Variants in ROBO4 observed in about 807,000 individuals in gnomAD.
ROBO4 encodes the protein roundabout guidance receptor 4.
In ROBO4, 80 loss-of-function variants were observed where a neutral mutation model predicts 103.3. The ratio of observed to expected loss-of-function variants is 0.77; its 90% CI spans 0.65 to 0.93. The LOEUF (loss-of-function observed/expected upper bound fraction) is 0.93. Among genes scored for constraint, ROBO4 ranks in the 40% least tolerant of loss-of-function variants. The pLI is 0.00. For synonymous variants in ROBO4, 504 were observed against 529.7 expected (o/e 0.95, Z 0.67); for missense variants, 1,333 against 1,305.3 (o/e 1.02, Z -0.33).
At chr11:124,896,711 CCTCTT>C in intron 2 of ROBO4, 41 bp from the exon 3 acceptor site, 5 of 1,598,870 alleles carry the variant, frequency 3.1e-6, no homozygotes, top group Non-Finnish European at 2.6e-6. Context: ...AGGGCCCAGG[CCTCTT>C]CTCTCTCCCT....
chr11:124,891,990 C>G (rs1430512164), intron 10 of ROBO4, 188 bp from the exon 11 acceptor site: 6 of 750,082 alleles, frequency 8.0e-6, no homozygotes, highest in Non-Finnish European at 1.4e-5. Flanking sequence ...CCCAGCACCC[C>G]TTTCTTATTC....
rs1247657457 is a variant in ROBO4 at position 124,897,137 on chromosome 11, C to G, written c.195G>C (p.Trp65Cys). The change falls in exon 2 of 18, where the codon TGG becomes TGC. Residue 65 changes from tryptophan (W) to cysteine (C), a missense_variant. Physicochemically the swap from Trp to Cys is radical, Grantham distance 215. Transcript: ENST00000306534. The stretch of plus-strand genomic sequence containing the variant: ...TGCTCAGGGGCTGCCCATTCAGCAA[C>G]CAGCGGATGGTGGGAGGTGGCTGGC... Reference protein sequence around the residue: ...ASGQPPPTIRWLLNGQPLSMV... With the variant: ...ASGQPPPTIRCLLNGQPLSMV... The G allele has an allele frequency of 1.9e-6, 3 of 1,568,904 alleles. No homozygotes were observed. Among genetic ancestry groups the G allele is most frequent in the East Asian group, 4.5e-5 (2 of 44,326 alleles).
chr11:124,893,873 C>T lies in ROBO4; in HGVS notation c.1491G>A (p.Val497=). 4 of 1,613,142 alleles carry T rather than the reference C, an allele frequency of 2.5e-6. No homozygotes were observed. ...TCAGACTCTCACCTGGGCCCAGGTG[C>T]ACCCTAGCTCGGCGCCGGCGGTGGA... ...VCIHRRRRAR[V]HLGPGLYRYT... Residue 497 remains valine, a synonymous_variant, in exon 9 of 18, where the codon GTG becomes GTA. Transcript: ENST00000306534.
rs370171294 is a variant in ROBO4 at position 124,891,736 on chromosome 11, C to T, written c.1614G>A (p.Leu538=). The stretch of plus-strand genomic sequence containing the variant: ...GACTGCTGAGGCTGCTGCTGCTGCT[C>T]AGGTCCCGAGAGCCAGAGGTGGAAC... ...TWRSTSGSRD[L]SSSSSLSSRL... Residue 538 remains leucine, a synonymous_variant, in exon 11 of 18, where the codon CTG becomes CTA. Transcript: ENST00000306534. 96 of 1,613,862 alleles carry T rather than the reference C, an allele frequency of 5.9e-5. No individual in the cohort carries two copies. Among genetic ancestry groups the T allele is most frequent in the Non-Finnish European group, 7.7e-5 (91 of 1,179,848 alleles).
chr11:124,897,307 C>T, intron 1 of ROBO4, 46 bp from the exon 2 acceptor site: 1 of 1,336,162 alleles, frequency 7.5e-7, no homozygotes, highest in East Asian at 2.6e-5. Context: ...CCAGCAACAC[C>T]CCAAATTCCT....
At chr11:124,894,944 T>C (rs970025451) in intron 7 of ROBO4, 137 bp downstream of exon 7, 15 of 693,912 alleles carry the variant, frequency 2.2e-5, no homozygotes, top group Middle Eastern at 5.6e-4. Flanking sequence ...AGTGGGTCCT[T>C]GCTCAGCAAA....
Position 124,895,158 on chromosome 11 carries a change from G to C in ROBO4, c.1072C>G (p.Pro358Ala), listed in dbSNP as rs1197810466. The change falls in exon 7 of 18, where the codon CCT becomes GCT. Residue 358 changes from proline to alanine, a missense_variant. By Grantham distance (27) the Pro-to-Ala change is conservative. Transcript: ENST00000306534. Reference protein sequence around the residue: ...SAPPQEVTLKPGNGTVFVSWV... With the variant: ...SAPPQEVTLKAGNGTVFVSWV... ...CTCACAAAGACAGTGCCATTGCCAGGCTTTAGAGTCACTTCCTGAGGTGGG... is the reference window on the plus strand; with the variant it reads ...CTCACAAAGACAGTGCCATTGCCAGCCTTTAGAGTCACTTCCTGAGGTGGG... 2 of 1,614,146 alleles carry C rather than the reference G, an allele frequency of 1.2e-6. No individual in the cohort carries two copies. Among genetic ancestry groups the C allele is most frequent in the East Asian group, 4.5e-5 (2 of 44,878 alleles).
At chr11:124,896,461 AC>A in intron 3 of ROBO4, 51 bp downstream of exon 3, 1 of 1,601,832 alleles carries the variant, frequency 6.2e-7, no homozygotes, top group Non-Finnish European at 8.5e-7. Flanking sequence ...ATCAGGGTGT[AC>A]CCAGGTCTGC....
rs1292938447 is a variant in ROBO4, at chr11:124,886,635, T to A, written c.2623A>T (p.Asn875Tyr). 1.2e-6 allele frequency: 2 copies of A among 1,613,888 alleles called. No homozygotes were observed. Among genetic ancestry groups the A allele is most frequent in the Non-Finnish European group, 1.7e-6 (2 of 1,179,948 alleles). ...TCCTCAGAGGCTGAGCCCCAACCAT[T>A]GGCTAAGGAGCCCTCGCTGGGGGTG... Reference protein sequence around the residue: ...TPTPSEGSLANGWGSASEDNA... With the variant: ...TPTPSEGSLAYGWGSASEDNA... The change falls in exon 16 of 18, where the codon AAT (asparagine) becomes TAT (tyrosine). Residue 875 changes from asparagine to tyrosine, a missense_variant. Asn to Tyr is a moderately radical substitution (Grantham distance 143). Coordinates refer to ENST00000306534, the MANE Select transcript of ROBO4 (RefSeq NM_019055.6).
chr11:124,895,830 A>G lies in ROBO4; in HGVS notation c.762T>C (p.Pro254=). ...LENVTLLNPD[P]AEGPKPRPAV... Reference sequence around the variant, plus strand: ...CCGGTCTAGGCTTGGGGCCCTCTGCAGGATCCGGGTTCAGCAGTGTCACAT... The same window carrying G: ...CCGGTCTAGGCTTGGGGCCCTCTGCGGGATCCGGGTTCAGCAGTGTCACAT... Residue 254 remains proline, a synonymous_variant, in exon 5 of 18, where the codon CCT becomes CCC. Transcript: ENST00000306534. The G allele has an allele frequency of 6.2e-7, 1 of 1,614,130 alleles. No homozygotes were observed. Among genetic ancestry groups the G allele is most frequent in the Non-Finnish European group, 8.5e-7 (1 of 1,180,020 alleles).
rs926617059 is a variant in ROBO4, at chr11:124,896,027, A to C, written c.680-115T>G. Reference sequence around the variant, plus strand: ...GGGAACCCAAACTCCCAGAGTCTCCAGGTCTTGAGCATTCCGATTTCTACT... The same window carrying C: ...GGGAACCCAAACTCCCAGAGTCTCCCGGTCTTGAGCATTCCGATTTCTACT... On this transcript the variant is annotated intron_variant, in intron 4 of 17. Transcript: ENST00000306534. 7.1e-6 allele frequency: 11 copies of C among 1,543,658 alleles called. No individual in the cohort carries two copies. In the African/African-American group the frequency reaches 1.5e-4, roughly 21 times the overall value.
Position 124,894,327 on chromosome 11 carries a change from T to C in ROBO4, c.1192A>G (p.Thr398Ala). 1 of 1,613,808 alleles carries C rather than the reference T, an allele frequency of 6.2e-7. No individual in the cohort carries two copies. Among genetic ancestry groups the C allele is most frequent in the Non-Finnish European group, 8.5e-7 (1 of 1,179,966 alleles). The change falls in exon 8 of 18, where the codon ACT becomes GCT. Residue 398 changes from threonine to alanine, a missense_variant. Thr to Ala is a moderately conservative substitution (Grantham distance 58). Transcript: ENST00000306534. ...AGCTGGGTCTGCTCACCAACTACAG[T>C]CCAGTTGGCTGGTGGCAGTGATGTG... ...GNTSLPPANW[T>A]VVGEQTQLEI... is the part of the protein sequence containing the mutation.
rs1946792391 is a variant in ROBO4 at position 124,891,280 on chromosome 11, C to T, written c.1948+19G>A. The T allele has an allele frequency of 6.6e-7, 1 of 1,514,054 alleles. No homozygotes were observed. Among genetic ancestry groups the T allele is most frequent in the Admixed American group, 2.3e-5 (1 of 43,910 alleles). The allele number at this position is 1,514,054 out of a possible 1,614,324, so 93.8% of individuals were successfully genotyped here. A position where few individuals can be genotyped will look rare whatever the true frequency, so the allele number is the denominator to read the frequency against. ...CGCCTACCACCAGCTCAGTCTATGT[C>T]TATTCTCCCCCTCCTTACCCTGCTT... On this transcript the variant is annotated intron_variant, in intron 12 of 17. Coordinates refer to ENST00000306534, the MANE Select transcript of ROBO4 (RefSeq NM_019055.6).
chr11:124,887,589 T>C, intron 13 of ROBO4, 90 bp from the exon 14 acceptor site: 1 of 1,572,314 alleles, frequency 6.4e-7, no homozygotes, highest in Non-Finnish European at 8.7e-7. Flanking sequence ...CCCCCTTAGC[T>C]ACCTGTCCAC....
intron 1 of ROBO4, 178 bp from the exon 2 acceptor site, chr11:124,897,439 G>A: frequency 5.2e-6 from 3 of 579,298 alleles, no homozygotes; most frequent in Non-Finnish European, 9.1e-6. Context: ...AGCATGCACA[G>A]CATCCAGGCC....
At chr11:124,885,278 G>C (rs1294541497) in intron 16 of ROBO4, 31 bp from the exon 17 acceptor site, 4 of 1,586,410 alleles carry the variant, frequency 2.5e-6, no homozygotes, top group Non-Finnish European at 3.4e-6. Flanking sequence ...GTCTGTGGGA[G>C]GTTGACCTTC....
In ROBO4 at chr11:124,891,688, G is replaced by A. The variant is rs1946801317; in HGVS notation, c.1662C>T (p.Asp554=). ...CACAGGAGCGACGACAGTCTAGTGG[G>A]TCCCGGGCATCCGCCCCCAGCCGAC... ...LSSRLGADAR[D]PLDCRRSLLS... The change falls in exon 11 of 18, where the codon GAC becomes GAT. Residue 554 remains aspartate, a synonymous_variant. Coordinates refer to ENST00000306534, the MANE Select transcript of ROBO4 (RefSeq NM_019055.6). 1 of 1,614,168 alleles carries A rather than the reference G, an allele frequency of 6.2e-7. No homozygotes were observed. Among genetic ancestry groups the A allele is most frequent in the Non-Finnish European group, 8.5e-7 (1 of 1,180,032 alleles).
rs766417735 is a variant in ROBO4 at position 124,886,464 on chromosome 11, C to T, written c.2794G>A (p.Asp932Asn). 8.7e-6 allele frequency: 14 copies of T among 1,610,836 alleles called. No individual in the cohort carries two copies. In the South Asian group the frequency reaches 8.8e-5, roughly 10 times the overall value. ...EPREADCVFI[D>N]ASSPPSPRDE... The stretch of plus-strand genomic sequence containing the variant: ...AGTAAGATGGGGAGACCTCACATAC[C>T]TATGAAGACGCAGTCTGCCTCCCTG... Residue 932 changes from aspartate (D) to asparagine (N), a missense_variant and splice_region_variant, in exon 16 of 18, where the codon GAT (aspartate) becomes AAT (asparagine). Asp to Asn is a conservative substitution (Grantham distance 23). Transcript: ENST00000306534.
chr11:124,894,587 T>C lies in ROBO4; in HGVS notation c.1150-218A>G, dbSNP rs189791176. ...GGCACAAGCAAGCTGCTAAAACACATGTAACATAGCAATTCTCAAACAACA... is the reference window on the plus strand; with the variant it reads ...GGCACAAGCAAGCTGCTAAAACACACGTAACATAGCAATTCTCAAACAACA... On this transcript the variant is annotated intron_variant, in intron 7 of 17. Transcript: ENST00000306534. The C allele has an allele frequency of 1.4e-5, 8 of 557,446 alleles. No homozygotes were observed. The East Asian group carries it at 1.5e-4, about 10-fold the overall frequency. 34.5% of individuals were successfully genotyped at this position (557,446 alleles called of 1,614,324 possible).
Sources: gnomAD v4.1 joint callset for allele counts on GRCh38, gnomAD v4.1.1 for gene constraint, MANE v1.5 for transcripts, NCBI Gene and HGNC (gene_info 2026-07-23, HGNC 2026-07-21) for gene names.